Variants in SERINC5 observed in about 807,000 individuals in gnomAD.
The protein encoded by SERINC5 is chromosome 5 open reading frame 12.
A neutral mutation model predicts 63.1 loss-of-function variants in SERINC5; 41 were observed. That is an observed-to-expected ratio of 0.65 (90% CI 0.51 to 0.84). The LOEUF (loss-of-function observed/expected upper bound fraction) is 0.84, where lower values mean the gene tolerates loss of function less well. Among genes scored for constraint, SERINC5 ranks in the 40% least tolerant of loss-of-function variants. The probability of loss-of-function intolerance (pLI) is 0.00; values close to 1 mark genes in which losing one functional copy is unlikely to be tolerated. For synonymous variants in SERINC5, 222 were observed against 215.2 expected (o/e 1.03, Z -0.28); for missense variants, 523 against 573.0 (o/e 0.91, Z 0.89).
intron 1 of SERINC5, among the ~76,000 whole-genome samples, chr5:80,217,729 A>C (rs1471430981): frequency 6.6e-6 from 1 of 152,184 alleles, no homozygotes; most frequent in Non-Finnish European, 1.5e-5. Flanking sequence ...TGCTCTCAGG[A>C]AACTCACATT....
downstream of SERINC5, among the ~76,000 whole-genome samples, chr5:80,137,139 C>CAAAAAAA (rs869035894): frequency 2.8e-4 from 19 of 67,724 alleles, no homozygotes; most frequent in East Asian, 2.1e-3. Flanking sequence ...GACCCTGTCT[C>CAAAAAAA]AAAAAAAAAA....
At chr5:80,153,918 T>G (rs557626136) in intron 8 of SERINC5, among the ~76,000 whole-genome samples, 3 of 152,216 alleles carry the variant, frequency 2.0e-5, no homozygotes, top group South Asian at 2.1e-4. Context: ...CCCTCAACAC[T>G]GGCACTGCAG....
chr5:80,253,771 C>T (rs529715980), intron 1 of SERINC5, among the ~76,000 whole-genome samples: 1 of 152,256 alleles, frequency 6.6e-6, no homozygotes, highest in East Asian at 1.9e-4. Context: ...TCATTGTTTA[C>T]ATGTTTATGA....
chr5:80,246,005 A>G (rs1295005534), intron 1 of SERINC5, among the ~76,000 whole-genome samples: 2 of 148,260 alleles, frequency 1.3e-5, no homozygotes, highest in African/African-American at 2.6e-5. Context: ...AGCTAACAAA[A>G]TAAGTCCAAC....
rs73128071 is a variant in SERINC5 at position 80,181,415 on chromosome 5, T to A, written c.196-3351A>T. Among the ~76,000 whole-genome samples the A allele has an allele frequency of 1.6e-3, 150 of 94,104 alleles. No individual in the cohort carries two copies. In the East Asian group the frequency reaches 0.022, roughly 14 times the overall value. 61.7% of individuals were successfully genotyped at this position (94,104 alleles called of 152,430 possible). ...GCATGCACCACCAAGCTCAGCTAAT[T>A]TTGTGTGTGTGTGTGTGTGTGTGTG... On this transcript the variant is annotated intron_variant, in intron 2 of 11. Transcript: ENST00000507668.
intron 1 of SERINC5, among the ~76,000 whole-genome samples, chr5:80,255,561 C>T (rs1317508955): frequency 6.6e-6 from 1 of 152,210 alleles, no homozygotes; most frequent in Non-Finnish European, 1.5e-5. Context: ...CGGAGCTCAG[C>T]GCTATTCACC....
chr5:80,167,748 A>G (rs1747397850), intron 6 of SERINC5, among the ~76,000 whole-genome samples: 1 of 152,180 alleles, frequency 6.6e-6, no homozygotes, highest in Admixed American at 6.5e-5. Context: ...TTTGAAAGTT[A>G]TAATATTTCA....
At chr5:80,201,171 A>T (rs1166945460) in intron 2 of SERINC5, among the ~76,000 whole-genome samples, 5 of 152,206 alleles carry the variant, frequency 3.3e-5, no homozygotes, top group South Asian at 4.1e-4. Context: ...AGGTTGGGGC[A>T]AACGTTTGCT....
chr5:80,196,889 G>A (rs923828641), intron 2 of SERINC5, among the ~76,000 whole-genome samples: 1 of 151,076 alleles, frequency 6.6e-6, no homozygotes, highest in Admixed American at 6.6e-5. Flanking sequence ...GCTGTGAGCC[G>A]AGATCACACC....
intron 1 of SERINC5, among the ~76,000 whole-genome samples, chr5:80,216,817 C>T (rs969890006): frequency 1.3e-5 from 2 of 151,926 alleles, no homozygotes; most frequent in African/African-American, 4.8e-5. Flanking sequence ...TTGAGACCAG[C>T]CTGGGTAACA....
chr5:80,116,211 T>C (rs1744316627), intron 11 of SERINC5: 1 of 439,068 alleles, frequency 2.3e-6, no homozygotes, highest in Non-Finnish European at 4.5e-6. Context: ...TTCAATCATC[T>C]TTTCAATGCT....
chr5:80,244,714 C>T (rs372770319), intron 1 of SERINC5, among the ~76,000 whole-genome samples: 7 of 151,996 alleles, frequency 4.6e-5, no homozygotes, highest in African/African-American at 1.4e-4. Flanking sequence ...CCCAGCTACT[C>T]GGGAGGCTGA....
chr5:80,241,132 T>C (rs532191490), intron 1 of SERINC5, among the ~76,000 whole-genome samples: 2 of 152,274 alleles, frequency 1.3e-5, no homozygotes, highest in Admixed American at 6.5e-5. Context: ...TGCTTCTCCC[T>C]TTTTCAAGGT....
chr5:80,206,797 T>C (rs1580168604), intron 1 of SERINC5, among the ~76,000 whole-genome samples: 1 of 141,000 alleles, frequency 7.1e-6, no homozygotes, highest in Non-Finnish European at 1.5e-5. Flanking sequence ...CCTAACTGCC[T>C]CCTTCACTGA....
At chr5:80,119,007 A>T (rs897281324) in intron 11 of SERINC5, among the ~76,000 whole-genome samples, 2 of 152,100 alleles carry the variant, frequency 1.3e-5, no homozygotes, top group Non-Finnish European at 2.9e-5. Context: ...TGGAGTACCT[A>T]AGAACATGGA....
chr5:80,143,842 A>G, intron 11 of SERINC5, 32 bp from the exon 12 acceptor site: 1 of 1,535,028 alleles, frequency 6.5e-7, no homozygotes, highest in Non-Finnish European at 8.7e-7. Flanking sequence ...CCGCGGTCAA[A>G]GCAGGAATAT....
rs181805764 is a variant in SERINC5 at position 80,124,510 on chromosome 5, G to C, written c.1239-10885C>G. ...ATTTCCACAGTCCTTGTTTTTCAGG[G>C]AGATTTAGGGCTTAAATACAAGGAA... On this transcript the variant is annotated intron_variant, in intron 11 of 12. Transcript: ENST00000509193. Among the ~76,000 whole-genome samples, 810 of 152,212 alleles carry C rather than the reference G, an allele frequency of 5.3e-3. 5 individuals are homozygous for C. The highest frequency in any genetic ancestry group is 0.013 in the South Asian group (65 of 4,816).
chr5:80,160,902 G>A (rs1225640004), intron 7 of SERINC5, among the ~76,000 whole-genome samples: 1 of 151,608 alleles, frequency 6.6e-6, no homozygotes, highest in African/African-American at 2.4e-5. Flanking sequence ...ATTCCATTGT[G>A]TGGAGATAGA....
chr5:80,122,516 T>G (rs1413369117), intron 11 of SERINC5, among the ~76,000 whole-genome samples: 1 of 152,124 alleles, frequency 6.6e-6, no homozygotes, highest in African/African-American at 2.4e-5. Flanking sequence ...ATCAATCCTT[T>G]CAATCCAATC....
Sources: gnomAD v4.1 joint callset for allele counts (sites outside exome capture counted in the v4.1 genomes callset) on GRCh38, gnomAD v4.1.1 for gene constraint, MANE v1.5 for transcripts, NCBI Gene and HGNC (gene_info 2026-07-23, HGNC 2026-07-21) for gene names.